Variants in ZFX observed in about 807,000 individuals in gnomAD.
ZFX encodes zinc finger protein X-linked.
For missense variants in ZFX, 362 were observed against 628.3 expected, an observed-to-expected ratio of 0.58 and a Z score of 4.53; for synonymous variants, 196 against 226.8, an observed-to-expected ratio of 0.86 and a Z score of 1.22.
intron 3 of ZFX, 130 bp from the exon 4 acceptor site, chrX:24,172,585 T>C (rs1303904415): frequency 2.4e-6 from 1 of 425,135 alleles, no homozygotes; most frequent in African/African-American, 2.5e-5. Flanking sequence ...TTACTTTAGA[T>C]AAGTAAGTTT....
At position 24,210,999 on chromosome X, in the gene ZFX, G is replaced by A; in HGVS notation, c.2041G>A (p.Val681Met). The stretch of plus-strand genomic sequence containing the variant: ...CAGGCCTTCAGAACTCAAGAAACAC[G>A]TGGCTGCCCACAAGGGCAAAAAAAT... ...FHRPSELKKH[V>M]AAHKGKKMHQ... The change falls in exon 10 of 10, where the codon GTG becomes ATG. Residue 681 changes from valine (V) to methionine (M), a missense_variant. Transcript: ENST00000304543. The A allele has an allele frequency of 8.3e-7, 1 of 1,212,091 alleles. No individual in the cohort carries two copies. The highest frequency in any genetic ancestry group is 1.1e-6 in the Non-Finnish European group (1 of 895,601).
chrX:24,154,647 A>G (rs1360739355), intron 3 of ZFX, among the ~76,000 whole-genome samples: 3 of 111,834 alleles, frequency 2.7e-5, no homozygotes, highest in African/African-American at 9.8e-5. Context: ...ATGACATATG[A>G]TGTCATAATA....
chrX:24,164,145 G>A (rs749367965), intron 3 of ZFX, among the ~76,000 whole-genome samples: 1 of 110,744 alleles, frequency 9.0e-6, no homozygotes, highest in African/African-American at 3.3e-5. Context: ...TTGCTCCAGA[G>A]AATGGTCATG....
chrX:24,165,999 C>G (rs1260641132), intron 3 of ZFX, among the ~76,000 whole-genome samples: 1 of 112,284 alleles, frequency 8.9e-6, no homozygotes, highest in South Asian at 3.6e-4. Context: ...AATGGCAGTA[C>G]TTTATTAAGG....
chrX:24,191,538 G>T (rs2147843802), intron 5 of ZFX, among the ~76,000 whole-genome samples: 1 of 111,493 alleles, frequency 9.0e-6, no homozygotes, highest in African/African-American at 3.3e-5. Flanking sequence ...TAGGTGCTCT[G>T]TTTTCACATA....
At chrX:24,149,376 A>AGGCGGCGGCGGCAGCGGCGCGTGTGT (rs953690799), upstream of ZFX, 2 of 109,424 alleles carry the variant, frequency 1.8e-5, no homozygotes, top group East Asian at 2.9e-4. Flanking sequence ...TTTACGGCCG[A>AGGCGGCGGCGGCAGCGGCGCGTGTGT]GGCGGCGGCG....
rs1233133408 is a variant in ZFX at position 24,208,375 on chromosome X, G to GA, written c.1093+5_1093+6insA. ...TTGCATGGGCAGCAGCTTATGGTAAGTTGCCCAGCAGCTCTTAGCATTGAA... is the reference window on the plus strand; with the variant it reads ...TTGCATGGGCAGCAGCTTATGGTAAGATTGCCCAGCAGCTCTTAGCATTGAA... On this transcript the variant is annotated splice_donor_region_variant and intron_variant, in intron 8 of 9. Coordinates refer to ENST00000304543, the MANE Select transcript of ZFX (RefSeq NM_003410.4). 3.3e-6 allele frequency: 4 copies of GA among 1,206,907 alleles called. No individual in the cohort carries two copies. Among genetic ancestry groups the GA allele is most frequent in the Non-Finnish European group, 4.5e-6 (4 of 894,370 alleles).
chrX:24,207,244 A>ATT (rs751344546), intron 5 of ZFX, 82 bp from the exon 6 acceptor site: 29 of 850,130 alleles, frequency 3.4e-5, no homozygotes, highest in East Asian at 2.0e-4. Context: ...CAAAAAAAAA[A>ATT]ATTTTTTTTT....
At position 24,212,555 on chromosome X, in the gene ZFX, A is replaced by G. The variant is rs1473691490; in HGVS notation, c.*1179A>G. The G allele has an allele frequency of 8.9e-6, 1 of 112,420 alleles. No homozygotes were observed. The highest frequency in any genetic ancestry group is 9.4e-5 in the Admixed American group (1 of 10,608). The allele number at this position is 112,420 out of a possible 1,213,427, so 9.3% of individuals were successfully genotyped here. Reference sequence around the variant, plus strand: ...AATGTTTTCATACAATTTCACCTCCATGTCTTTATGTTTTTCTGAAAAGCA... The same window carrying G: ...AATGTTTTCATACAATTTCACCTCCGTGTCTTTATGTTTTTCTGAAAAGCA... On this transcript the variant is annotated 3_prime_UTR_variant, in exon 10 of 10. Transcript: ENST00000304543.
chrX:24,168,052 T>C (rs1454293102), intron 3 of ZFX, among the ~76,000 whole-genome samples: 3 of 111,742 alleles, frequency 2.7e-5, no homozygotes, highest in East Asian at 5.6e-4. Flanking sequence ...AAATGAGATA[T>C]CTGGAGAAAT....
chrX:24,176,430 A>ATTTTT (rs56241839), intron 4 of ZFX, among the ~76,000 whole-genome samples: 7 of 66,835 alleles, frequency 1.0e-4, no homozygotes, highest in African/African-American at 1.9e-4. Context: ...TTGGCCTTTG[A>ATTTTT]TTTTTTTTTT....
At chrX:24,173,319 C>T (rs1039949413) in intron 4 of ZFX, among the ~76,000 whole-genome samples, 1 of 110,374 alleles carries the variant, frequency 9.1e-6, no homozygotes, top group Non-Finnish European at 1.9e-5. Context: ...ACATGTGGAT[C>T]CTGTCATTTC....
rs142833445 is a variant in ZFX at position 24,179,528 on chromosome X, C to T, written c.404C>T (p.Thr135Met). The T allele has an allele frequency of 6.1e-5, 74 of 1,210,843 alleles. No individual in the cohort carries two copies. The African/African-American group carries it at 1.1e-3, about 17-fold the overall frequency. ...ASMSMPEHVL[T>M]GDSIHVSDVG... ...ATGTCTATGCCAGAACACGTCTTGA[C>T]GGGTGATTCTATACATGTGTCTGAC... The change falls in exon 5 of 10, where the codon ACG (threonine) becomes ATG (methionine). Residue 135 changes from threonine (T) to methionine (M), a missense_variant. Coordinates refer to ENST00000304543, the MANE Select transcript of ZFX (RefSeq NM_003410.4).
intron 5 of ZFX, among the ~76,000 whole-genome samples, chrX:24,183,159 G>C (rs951588425): frequency 1.8e-5 from 2 of 111,779 alleles, no homozygotes; most frequent in Non-Finnish European, 3.8e-5. Context: ...CCGCATTGAG[G>C]GGCCAGCTGA....
chrX:24,208,961 T>C lies in ZFX; in HGVS notation c.1155T>C (p.Asp385=). The C allele has an allele frequency of 8.3e-7, 1 of 1,211,927 alleles. No individual in the cohort carries two copies. The highest frequency in any genetic ancestry group is 1.7e-5 in the African/African-American group (1 of 57,846). Residue 385 remains aspartate (D), a synonymous_variant, in exon 9 of 10, where the codon GAT becomes GAC. Coordinates refer to ENST00000304543, the MANE Select transcript of ZFX (RefSeq NM_003410.4). ...NGTASALLHI[D]ESAGLGRLAK... ...CTGCAAGTGCCCTCTTGCACATAGA[T>C]GAGTCTGCTGGCCTCGGCAGACTGG... is the stretch of plus-strand genomic sequence containing the variant.
Position 24,179,711 on chromosome X carries a change from T to C in ZFX, c.587T>C (p.Ile196Thr), listed in dbSNP as rs1387951096. ...GAAGCAGTCATAGATGCCAATGGGATCCCTGTGGACCAGCAGGATGATGAC... is the reference window on the plus strand; with the variant it reads ...GAAGCAGTCATAGATGCCAATGGGACCCCTGTGGACCAGCAGGATGATGAC... ...ASEAVIDANG[I>T]PVDQQDDDKG... Residue 196 changes from isoleucine (I) to threonine (T), a missense_variant, in exon 5 of 10, where the codon ATC becomes ACC. By Grantham distance (89) the Ile-to-Thr change is moderately conservative. Coordinates refer to ENST00000304543, the MANE Select transcript of ZFX (RefSeq NM_003410.4). 10 of 1,211,270 alleles carry C rather than the reference T, an allele frequency of 8.3e-6. No homozygotes were observed. Among genetic ancestry groups the C allele is most frequent in the Middle Eastern group, 2.3e-4 (1 of 4,355 alleles).
chrX:24,172,686 G>A, intron 3 of ZFX, 29 bp from the exon 4 acceptor site: 1 of 1,068,786 alleles, frequency 9.4e-7, no homozygotes, highest in Non-Finnish European at 1.2e-6. Context: ...AAAACTAATG[G>A]CTTTGGTTTA....
chrX:24,160,254 T>G (rs1933133518), intron 3 of ZFX, among the ~76,000 whole-genome samples: 1 of 109,235 alleles, frequency 9.2e-6, no homozygotes, highest in African/African-American at 3.3e-5. Flanking sequence ...ACTATAAAAT[T>G]TTCTCTAGAC....
At chrX:24,202,954 A>G (rs1023907329) in intron 5 of ZFX, among the ~76,000 whole-genome samples, 12 of 112,124 alleles carry the variant, frequency 1.1e-4, no homozygotes, top group South Asian at 3.7e-4. Context: ...AGTGAATCAC[A>G]TATTCCAAGA....
Sources: allele counts gnomAD v4.1 joint callset (sites outside exome capture counted in the v4.1 genomes callset), GRCh38; gene constraint gnomAD v4.1.1; transcripts MANE v1.5; gene names NCBI Gene and HGNC (gene_info 2026-07-23, HGNC 2026-07-21).